Variants in KRT31 observed in about 807,000 individuals in gnomAD.
KRT31 encodes keratin, type I cuticular Ha1.
A neutral mutation model predicts 40.8 loss-of-function variants in KRT31; 27 were observed. That is an observed-to-expected ratio of 0.66 (90% CI 0.49 to 0.91). KRT31 has a LOEUF of 0.91. Ranked by LOEUF, KRT31 falls within the 40% of genes least tolerant of loss-of-function variation. The pLI is 0.00. For missense variants in KRT31, 510 were observed against 544.1 expected, an observed-to-expected ratio of 0.94 and a Z score of 0.62; for synonymous variants, 231 against 231.9, an observed-to-expected ratio of 1.00 and a Z score of 0.03.
chr17:41,395,185 T>G, intron 5 of KRT31, 60 bp downstream of exon 5: 1 of 1,611,368 alleles, frequency 6.2e-7, no homozygotes. Flanking sequence ...CCCAAGCACA[T>G]CCCCGGGACT....
chr17:41,396,275 T>C lies in KRT31; in HGVS notation c.588+145A>G, dbSNP rs1210022281. The C allele has an allele frequency of 4.3e-6, 3 of 700,356 alleles. No individual in the cohort carries two copies. In the East Asian group the frequency reaches 8.2e-5, roughly 19 times the overall value. The allele number at this position is 700,356 out of a possible 1,614,324, so 43.4% of individuals were successfully genotyped here. A position where few individuals can be genotyped will look rare whatever the true frequency, so the allele number is the denominator to read the frequency against. On this transcript the variant is annotated intron_variant, in intron 3 of 6. Transcript: ENST00000251645. ...TGGGAACATGAACAGGTCTTATCTC[T>C]CTCCAATTTTTCTCTTACCGTGATG...
chr17:41,396,836 G>T, intron 2 of KRT31, 77 bp downstream of exon 2: 2 of 1,332,760 alleles, frequency 1.5e-6, no homozygotes, highest in Non-Finnish European at 2.2e-6. Context: ...GGGTAGATCT[G>T]TTTTCAGATG....
Position 41,396,975 on chromosome 17 carries a change from C to T in KRT31, c.369G>A (p.Glu123=). The T allele has an allele frequency of 6.2e-7, 1 of 1,614,056 alleles. No individual in the cohort carries two copies. Among genetic ancestry groups the T allele is most frequent in the East Asian group, 2.2e-5 (1 of 44,888 alleles). The change falls in exon 2 of 7, where the codon GAG becomes GAA. Residue 123 remains glutamate, a synonymous_variant. Coordinates refer to ENST00000251645, the MANE Select transcript of KRT31 (RefSeq NM_002277.3). ...CGATCTGCACCACAAGCCTGGCATT[C>T]TCAGACTTGGTACACAGGATCTGGG... ...LQQKILCTKS[E]NARLVVQIDN...
In KRT31 at chr17:41,397,444, G is replaced by A. The variant is rs929441381; in HGVS notation, c.96C>T (p.Pro32=). The change falls in exon 1 of 7, where the codon CCC becomes CCT. Residue 32 remains proline, a synonymous_variant. Coordinates refer to ENST00000251645, the MANE Select transcript of KRT31 (RefSeq NM_002277.3). ...CATTGGCGGGGATGTTGCAGGCCCC[G>A]GGCAGGGTGCAGCTGTGGCAGCTGG... ...VPPSCHSCTL[P]GACNIPANVS... The A allele has an allele frequency of 6.2e-6, 10 of 1,612,906 alleles. No individual in the cohort carries two copies. Among genetic ancestry groups the A allele is most frequent in the African/African-American group, 1.3e-5 (1 of 74,890 alleles).
At position 41,397,383 on chromosome 17, in the gene KRT31, T is replaced by G. The variant is rs759479307; in HGVS notation, c.157A>C (p.Asn53His). 6 of 1,612,962 alleles carry G rather than the reference T, an allele frequency of 3.7e-6. No homozygotes were observed. In the African/African-American group the frequency reaches 6.7e-5, roughly 18 times the overall value. The change falls in exon 1 of 7, where the codon AAT becomes CAT. Residue 53 changes from asparagine to histidine, a missense_variant. Coordinates refer to ENST00000251645, the MANE Select transcript of KRT31 (RefSeq NM_002277.3). Reference protein sequence around the residue: ...NCNWFCEGSFNGSEKETMQFL... With the variant: ...NCNWFCEGSFHGSEKETMQFL... The stretch of plus-strand genomic sequence containing the variant: ...TGCATAGTCTCCTTCTCGCTACCAT[T>G]GAAGGAGCCCTCGCAGAACCAGTTG...
At chr17:41,395,661 C>A in intron 3 of KRT31, 38 bp from the exon 4 acceptor site, 3 of 1,596,568 alleles carry the variant, frequency 1.9e-6, no homozygotes, top group Non-Finnish European at 1.7e-6. Context: ...CTATGCTCAG[C>A]AAAGAATGAA....
In KRT31 at chr17:41,393,982, C is replaced by T. The variant is rs374146828; in HGVS notation, c.*34G>A. The T allele has an allele frequency of 3.0e-4, 479 of 1,607,352 alleles. No homozygotes were observed. The highest frequency in any genetic ancestry group is 1.1e-3 in the South Asian group (103 of 90,606). On this transcript the variant is annotated 3_prime_UTR_variant, in exon 7 of 7. Transcript: ENST00000251645. ...AGGTCACAGCTCTGGAGTCCTGGGC[C>T]CTGCATCCTTGCTCCTCTGGCATTC...
At chr17:41,394,197 G>T (rs1433287368) in intron 6 of KRT31, 28 bp from the exon 7 acceptor site, 1 of 1,608,902 alleles carries the variant, frequency 6.2e-7, no homozygotes, top group Admixed American at 1.7e-5. Context: ...ATGTGGAAAA[G>T]TGAGTTAAGG....
Position 41,394,157 on chromosome 17 carries a change from A to T in KRT31, c.1110T>A (p.Asn370Lys). The T allele has an allele frequency of 6.2e-7, 1 of 1,611,044 alleles. No individual in the cohort carries two copies. Among genetic ancestry groups the T allele is most frequent in the Non-Finnish European group, 8.5e-7 (1 of 1,179,058 alleles). Residue 370 changes from asparagine to lysine, a missense_variant, in exon 7 of 7, where the codon AAT (asparagine) becomes AAA (lysine). Physicochemically the swap from Asn to Lys is moderately conservative, Grantham distance 94. Transcript: ENST00000251645. ...TGCACGCGTTGGTCGTGGCACAGGG[A>T]TTGCTGGGCAGACTGGAGACAAAAG... ...LESEDCNLPS[N>K]PCATTNACSK...
Position 41,393,918 on chromosome 17 carries a change from C to A in KRT31, c.*98G>T. On this transcript the variant is annotated 3_prime_UTR_variant, in exon 7 of 7. Coordinates refer to ENST00000251645, the MANE Select transcript of KRT31 (RefSeq NM_002277.3). ...CCTTACGCGGGCAACTCCAGCCATGCAAATGATGTTTTCAGGCCCCTTTTG... is the reference window on the plus strand; with the variant it reads ...CCTTACGCGGGCAACTCCAGCCATGAAAATGATGTTTTCAGGCCCCTTTTG... 4 of 1,382,178 alleles carry A rather than the reference C, an allele frequency of 2.9e-6. No homozygotes were observed. The highest frequency in any genetic ancestry group is 1.4e-5 in the South Asian group (1 of 73,576). 85.6% of individuals were successfully genotyped at this position (1,382,178 alleles called of 1,614,324 possible). A position where few individuals can be genotyped will look rare whatever the true frequency, so the allele number is the denominator to read the frequency against.
At chr17:41,395,090 A>G (rs1436722089) in intron 5 of KRT31, 22 bp from the exon 6 acceptor site, 5 of 1,613,726 alleles carry the variant, frequency 3.1e-6, no homozygotes, top group Non-Finnish European at 4.2e-6. Flanking sequence ...AAGATTGGGA[A>G]TGTCAGAGAG....
At chr17:41,394,793 A>T (rs2018188606) in intron 6 of KRT31, 55 bp downstream of exon 6, 1 of 1,605,214 alleles carries the variant, frequency 6.2e-7, no homozygotes. Flanking sequence ...ATGGTGTCTA[A>T]CTGTTACACT....
rs148992460 is a variant in KRT31, at chr17:41,395,338, G to A, written c.783C>T (p.Ser261=). The change falls in exon 5 of 7, where the codon AGC becomes AGT. Residue 261 remains serine (S), a synonymous_variant. Transcript: ENST00000251645. ...CCTGGTAGGACTGCAGCTGCTCTGA[G>A]CTGGATACCACCTGCTTGTTCAGCT... The part of the protein sequence containing the change: ...TEELNKQVVS[S]SEQLQSYQAE... 10 of 1,613,964 alleles carry A rather than the reference G, an allele frequency of 6.2e-6. No homozygotes were observed. In the East Asian group the frequency reaches 2.2e-4, roughly 36 times the overall value.
chr17:41,396,726 T>C, intron 2 of KRT31, 150 bp from the exon 3 acceptor site: 3 of 1,041,822 alleles, frequency 2.9e-6, no homozygotes, highest in Non-Finnish European at 4.2e-6. Flanking sequence ...CAATACCCAA[T>C]ATTCATCCCA....
At position 41,394,011 on chromosome 17, in the gene KRT31, A is replaced by G; in HGVS notation, c.*5T>C. The G allele has an allele frequency of 6.2e-7, 1 of 1,612,562 alleles. No individual in the cohort carries two copies. The highest frequency in any genetic ancestry group is 1.1e-5 in the South Asian group (1 of 91,028). On this transcript the variant is annotated 3_prime_UTR_variant, in exon 7 of 7. Transcript: ENST00000251645. ...CATCCTTGCTCCTCTGGCATTCCCT[A>G]GGTTCTAGCGCACGAAGGAATTGCA...
At chr17:41,395,179 A>G (rs563881573) in intron 5 of KRT31, 66 bp downstream of exon 5, 19 of 1,611,228 alleles carry the variant, frequency 1.2e-5, no homozygotes, top group African/African-American at 4.0e-5. Context: ...TGTGGCCCCA[A>G]GCACATCCCC....
chr17:41,395,199 C>T, intron 5 of KRT31, 46 bp downstream of exon 5: 3 of 1,611,982 alleles, frequency 1.9e-6, no homozygotes, highest in Non-Finnish European at 2.5e-6. Context: ...CGGGACTCTG[C>T]CTCCCAAGTT....
intron 1 of KRT31, 37 bp from the exon 2 acceptor site, chr17:41,397,032 TA>T: frequency 6.3e-7 from 1 of 1,589,780 alleles, no homozygotes; most frequent in Non-Finnish European, 8.6e-7. Context: ...GGACTGAAAA[TA>T]AATATGAAAT....
At position 41,394,850 on chromosome 17, in the gene KRT31, G is replaced by T; in HGVS notation, c.1095C>A (p.Cys365Ter). ...TYRSLLESED[C>*]NLPSNPCATT... is the part of the protein sequence containing the mutation. ...AACACGTCTGCCCATGTACTCACTT[G>T]CAGTCCTCGCTCTCCAGCAGGCTCC... Residue 365 changes from cysteine (C) to a stop codon, truncating the protein, a stop_gained and splice_region_variant, in exon 6 of 7, where the codon TGC (cysteine) becomes TGA (stop). Coordinates refer to ENST00000251645, the MANE Select transcript of KRT31 (RefSeq NM_002277.3). LOFTEE classifies it low-confidence loss of function (END_TRUNC). 1 of 1,614,034 alleles carries T rather than the reference G, an allele frequency of 6.2e-7. No homozygotes were observed. Among genetic ancestry groups the T allele is most frequent in the Non-Finnish European group, 8.5e-7 (1 of 1,179,984 alleles).
Sources: allele counts gnomAD v4.1 joint callset, GRCh38; gene constraint gnomAD v4.1.1; transcripts MANE v1.5; gene names NCBI Gene and HGNC (gene_info 2026-07-23, HGNC 2026-07-21).